Variants in FBXL13 observed in about 807,000 individuals in gnomAD.
FBXL13 encodes F-box and leucine rich repeat protein 13, also known as F-box and leucine-rich repeat protein 13.
Under a neutral mutation model 83.6 loss-of-function variants are expected in FBXL13, and 67 were observed. The observed-to-expected ratio is 0.80, with a 90% CI of 0.66 to 0.98. FBXL13 has a LOEUF of 0.98. Among genes scored for constraint, FBXL13 ranks in the 50% least tolerant of loss-of-function variants. FBXL13 has a pLI of 0.00. For missense variants in FBXL13, 822 were observed against 866.5 expected (o/e 0.95, Z 0.64); for synonymous variants, 272 against 299.5 (o/e 0.91, Z 0.95).
At chr7:103,029,452 TAGAAA>T in intron 2 of FBXL13, 34 bp from the exon 4 acceptor site, 3 of 1,223,184 alleles carry the variant, frequency 2.5e-6, no homozygotes, top group Non-Finnish European at 3.4e-6. Context: ...TAACAAATAT[TAGAAA>T]TAAATGGAAT....
At chr7:102,850,826 G>C (rs984453164) in intron 17 of FBXL13, among the ~76,000 whole-genome samples, 15 of 152,096 alleles carry the variant, frequency 9.9e-5, no homozygotes, top group African/African-American at 3.6e-4. Flanking sequence ...GGACTTCTTA[G>C]AACATTAGTA....
intron 6 of FBXL13, among the ~76,000 whole-genome samples, chr7:103,007,980 G>A (rs1382588008): frequency 2.0e-5 from 3 of 152,290 alleles, no homozygotes; most frequent in Admixed American, 1.3e-4. Context: ...GTGGGAAAAG[G>A]AAGGCAATGA....
chr7:102,946,107 C>A (rs1288321747), intron 8 of FBXL13, among the ~76,000 whole-genome samples: 1 of 152,196 alleles, frequency 6.6e-6, no homozygotes, highest in African/African-American at 2.4e-5. Flanking sequence ...GTCTTGAACT[C>A]CTGACTTCAA....
At chr7:102,918,679 G>T (rs1268001678) in intron 10 of FBXL13, among the ~76,000 whole-genome samples, 2 of 152,098 alleles carry the variant, frequency 1.3e-5, no homozygotes, top group African/African-American at 4.8e-5. Flanking sequence ...TTAGCTGGAT[G>T]TGCCCAGGAG....
At chr7:102,911,455 G>A (rs1444998881) in intron 11 of FBXL13, among the ~76,000 whole-genome samples, 1 of 152,184 alleles carries the variant, frequency 6.6e-6, no homozygotes, top group Non-Finnish European at 1.5e-5. Flanking sequence ...ACATTAAGTT[G>A]TTCCTGAGTT....
intron 18 of FBXL13, among the ~76,000 whole-genome samples, chr7:102,832,635 T>C (rs909168593): frequency 3.1e-4 from 47 of 152,242 alleles, no homozygotes; most frequent in African/African-American, 1.1e-3. Context: ...GTATGAGAAT[T>C]ATGTTTTTAA....
At chr7:103,000,085 G>C (rs985705685) in intron 6 of FBXL13, among the ~76,000 whole-genome samples, 3 of 151,928 alleles carry the variant, frequency 2.0e-5, no homozygotes, top group African/African-American at 7.2e-5. Flanking sequence ...TTGGTATGTT[G>C]TTTTGGTGTG....
chr7:102,984,829 G>A (rs906858815), intron 6 of FBXL13, among the ~76,000 whole-genome samples: 2 of 151,972 alleles, frequency 1.3e-5, no homozygotes, highest in Non-Finnish European at 2.9e-5. Context: ...TCTGGGTTAG[G>A]GTTGCTGCCT....
At chr7:102,963,214 G>A (rs575256904) in intron 8 of FBXL13, among the ~76,000 whole-genome samples, 77 of 151,218 alleles carry the variant, frequency 5.1e-4, no homozygotes, top group African/African-American at 1.8e-3. Context: ...CCAGCTACTC[G>A]GCAGGCTGAG....
At chr7:102,987,797 G>T (rs1391250040) in intron 6 of FBXL13, among the ~76,000 whole-genome samples, 1 of 152,130 alleles carries the variant, frequency 6.6e-6, no homozygotes, top group Non-Finnish European at 1.5e-5. Context: ...TACCAAGAAA[G>T]CCCAGGAATA....
intron 8 of FBXL13, among the ~76,000 whole-genome samples, chr7:102,958,157 C>T (rs1290206296): frequency 6.6e-6 from 1 of 152,118 alleles, no homozygotes; most frequent in Non-Finnish European, 1.5e-5. Context: ...CAATGATAGA[C>T]TGGATTAAGA....
At chr7:102,971,595 A>AG (rs1826677461) in intron 6 of FBXL13, among the ~76,000 whole-genome samples, 1 of 10,406 alleles carries the variant, frequency 9.6e-5, no homozygotes, top group Admixed American at 1.8e-3. Flanking sequence ...ACTCCGTCTC[A>AG]AAAAAAAAAA....
At chr7:102,924,080 AAT>A (rs1817597982) in intron 10 of FBXL13, among the ~76,000 whole-genome samples, 1 of 151,676 alleles carries the variant, frequency 6.6e-6, no homozygotes, top group Non-Finnish European at 1.5e-5. Flanking sequence ...CTCTACTAAA[AAT>A]ACAAAATTAG....
chr7:102,912,994 C>T, intron 11 of FBXL13, 92 bp downstream of exon 12: 1 of 1,535,244 alleles, frequency 6.5e-7, no homozygotes, highest in Non-Finnish European at 8.9e-7. Flanking sequence ...GCGGTCCGTG[C>T]ACAGCATTAG....
At chr7:102,869,593 T>A (rs1808249796) in intron 16 of FBXL13, among the ~76,000 whole-genome samples, 1 of 152,202 alleles carries the variant, frequency 6.6e-6, no homozygotes, top group South Asian at 2.1e-4. Context: ...TTTATTCAAA[T>A]AGTTTCATAT....
At chr7:102,884,366 C>T (rs1810512539) in intron 11 of FBXL13, 54 bp from the exon 13 acceptor site, 3 of 1,334,666 alleles carry the variant, frequency 2.2e-6, no homozygotes, top group African/African-American at 1.4e-5. Context: ...TGATAAAAAT[C>T]CAAGGGAGTA....
intron 6 of FBXL13, among the ~76,000 whole-genome samples, chr7:103,010,948 G>C (rs764920698): frequency 6.6e-6 from 1 of 152,138 alleles, no homozygotes; most frequent in Non-Finnish European, 1.5e-5. Context: ...CAAGATTCAG[G>C]AGTGGATTAG....
intron 10 of FBXL13, among the ~76,000 whole-genome samples, chr7:102,914,392 T>C (rs2129469267): frequency 6.6e-6 from 1 of 152,254 alleles, no homozygotes; most frequent in East Asian, 1.9e-4. Context: ...TTTTAAGAGG[T>C]CAAGGATTCC....
chr7:102,905,384 T>G (rs372873897), intron 11 of FBXL13, among the ~76,000 whole-genome samples: 70 of 152,356 alleles, frequency 4.6e-4, no homozygotes, highest in Non-Finnish European at 6.5e-4. Flanking sequence ...TCTGTTCTTA[T>G]AGTTTTGGTC....
Sources: gnomAD v4.1 joint callset for allele counts (sites outside exome capture counted in the v4.1 genomes callset) on GRCh38, gnomAD v4.1.1 for gene constraint, MANE v1.5 for transcripts, NCBI Gene and HGNC (gene_info 2026-07-23, HGNC 2026-07-21) for gene names.